Variants in ADCY2 observed in about 807,000 individuals in gnomAD.
ADCY2 encodes adenylate cyclase 2.
ADCY2 carries 31 observed loss-of-function variants against 125.2 expected under a neutral mutation model. The observed-to-expected ratio is 0.25, with a 90% CI of 0.19 to 0.33. ADCY2 has a LOEUF of 0.33. Ranked by LOEUF, ADCY2 falls within the 10% of genes least tolerant of loss-of-function variation. The pLI is 1.00. For synonymous variants in ADCY2, 512 were observed against 548.4 expected (o/e 0.93, Z 0.93); for missense variants, 904 against 1,418.2 (o/e 0.64, Z 5.82).
At chr5:7,405,348 G>C (rs956754329) in intron 1 of ADCY2, among the ~76,000 whole-genome samples, 1 of 149,096 alleles carries the variant, frequency 6.7e-6, no homozygotes, top group Non-Finnish European at 1.5e-5. Flanking sequence ...GTCAGGTCTT[G>C]GTTCTTCTGA....
intron 24 of ADCY2, among the ~76,000 whole-genome samples, chr5:7,821,356 G>GA (rs966055434): frequency 6.6e-6 from 1 of 151,868 alleles, no homozygotes; most frequent in African/African-American, 2.4e-5. Flanking sequence ...AAAGATAATA[G>GA]AAAAAAAATC....
intron 1 of ADCY2, among the ~76,000 whole-genome samples, chr5:7,398,956 A>G (rs989786493): frequency 6.6e-6 from 1 of 152,210 alleles, no homozygotes; most frequent in Non-Finnish European, 1.5e-5. Flanking sequence ...TGAAGGTAGA[A>G]TAGGGCTAAG....
chr5:7,576,985 T>C (rs1217046389), intron 3 of ADCY2, among the ~76,000 whole-genome samples: 4 of 152,256 alleles, frequency 2.6e-5, no homozygotes, highest in African/African-American at 9.6e-5. Flanking sequence ...ATAGCATTGC[T>C]TAATGTATAT....
At chr5:7,445,445 T>C (rs763453716) in intron 2 of ADCY2, among the ~76,000 whole-genome samples, 2 of 152,252 alleles carry the variant, frequency 1.3e-5, no homozygotes, top group Non-Finnish European at 2.9e-5. Flanking sequence ...TTGGAAATTA[T>C]ATGTTTAATA....
chr5:7,701,616 A>G (rs1391751421), intron 7 of ADCY2, among the ~76,000 whole-genome samples: 4 of 152,134 alleles, frequency 2.6e-5, no homozygotes, highest in African/African-American at 2.4e-5. Context: ...ATCACCCCAG[A>G]CAGAAATTCT....
At chr5:7,493,428 CT>C (rs1743237172) in intron 2 of ADCY2, among the ~76,000 whole-genome samples, 1 of 152,012 alleles carries the variant, frequency 6.6e-6, no homozygotes, top group African/African-American at 2.4e-5. Flanking sequence ...TATCGGGTGC[CT>C]TTATATAGAA....
At chr5:7,570,462 A>G (rs147573236) in intron 3 of ADCY2, among the ~76,000 whole-genome samples, 11 of 152,256 alleles carry the variant, frequency 7.2e-5, no homozygotes, top group African/African-American at 1.9e-4. Context: ...ATTCCCTCTT[A>G]ATTCAGTATG....
chr5:7,498,731 C>T (rs1743438040), intron 2 of ADCY2, among the ~76,000 whole-genome samples: 1 of 152,134 alleles, frequency 6.6e-6, no homozygotes, highest in South Asian at 2.1e-4. Flanking sequence ...AGAATGTTCA[C>T]AGCAGCACTG....
intron 18 of ADCY2, 85 bp from the exon 19 acceptor site, chr5:7,784,280 A>G: frequency 3.1e-6 from 3 of 963,742 alleles, no homozygotes; most frequent in Non-Finnish European, 5.0e-6. Flanking sequence ...AGAGAATCTG[A>G]TATTTGTTGA....
chr5:7,455,638 A>G (rs1000441546), intron 2 of ADCY2, among the ~76,000 whole-genome samples: 1 of 148,184 alleles, frequency 6.7e-6, no homozygotes, highest in African/African-American at 2.5e-5. Context: ...ATATGTATAT[A>G]TACTGTATAT....
At chr5:7,590,797 G>A (rs1471396523) in intron 3 of ADCY2, among the ~76,000 whole-genome samples, 6 of 151,922 alleles carry the variant, frequency 3.9e-5, no homozygotes, top group African/African-American at 1.5e-4. Context: ...TAGAGAAAAG[G>A]GTCCAGTATG....
rs1160913077 is a variant in ADCY2, at chr5:7,396,139, G to T, written c.-158G>T. On this transcript the variant is annotated 5_prime_UTR_variant, in exon 1 of 25. Coordinates refer to ENST00000338316, the MANE Select transcript of ADCY2 (RefSeq NM_020546.3). This position sits in a 1 kb window ranked among gnomAD's most constrained non-coding sequence, Gnocchi z 5.7. ...CCCGCGCGTCAGCGCGCCCAGCCCG[G>T]GGCGCCGAGCTCCGCCCGCGCCGGA... The T allele has an allele frequency of 6.1e-6, 1 of 164,036 alleles. No homozygotes were observed. The highest frequency in any genetic ancestry group is 1.2e-5 in the Non-Finnish European group (1 of 83,186). The allele number at this position is 164,036 out of a possible 1,614,324, so 10.2% of individuals were successfully genotyped here. A position where few individuals can be genotyped will look rare whatever the true frequency, so the allele number is the denominator to read the frequency against.
At chr5:7,785,266 T>A (rs534466980) in intron 19 of ADCY2, among the ~76,000 whole-genome samples, 1 of 152,318 alleles carries the variant, frequency 6.6e-6, no homozygotes, top group East Asian at 1.9e-4. Context: ...CTTCCAGTTC[T>A]CCCCACCCAA....
At chr5:7,406,130 G>A (rs1326033712) in intron 1 of ADCY2, among the ~76,000 whole-genome samples, 3 of 152,110 alleles carry the variant, frequency 2.0e-5, no homozygotes, top group Non-Finnish European at 4.4e-5. Context: ...AAAGTGCTGG[G>A]ATTACAGGCA....
At chr5:7,540,901 G>A (rs1164735488) in intron 3 of ADCY2, among the ~76,000 whole-genome samples, 2 of 152,170 alleles carry the variant, frequency 1.3e-5, no homozygotes, top group African/African-American at 2.4e-5. Flanking sequence ...AAAGGCACTC[G>A]AGGACTTCCG....
chr5:7,573,905 C>T (rs1736154772), intron 3 of ADCY2, among the ~76,000 whole-genome samples: 1 of 91,700 alleles, frequency 1.1e-5, no homozygotes, highest in Non-Finnish European at 2.1e-5. Flanking sequence ...TGCTATCCCT[C>T]CCCCCTCCCC....
intron 12 of ADCY2, among the ~76,000 whole-genome samples, chr5:7,717,971 A>G (rs1353834235): frequency 6.6e-6 from 1 of 152,124 alleles, no homozygotes; most frequent in East Asian, 1.9e-4. Flanking sequence ...AGGAGGTCCA[A>G]ATGAAAAGCC....
At chr5:7,791,950 G>T (rs549415686) in intron 20 of ADCY2, among the ~76,000 whole-genome samples, 93 of 152,212 alleles carry the variant, frequency 6.1e-4, no homozygotes, top group East Asian at 3.9e-4. Context: ...CGGGGGCCAG[G>T]GGGAGAGAGG....
intron 4 of ADCY2, among the ~76,000 whole-genome samples, chr5:7,659,778 G>C (rs1029108295): frequency 6.6e-6 from 1 of 152,208 alleles, no homozygotes; most frequent in Non-Finnish European, 1.5e-5. Context: ...TTTGCATTTA[G>C]AACTGTGGCC....
Sources: allele counts gnomAD v4.1 joint callset (sites outside exome capture counted in the v4.1 genomes callset), GRCh38; gene constraint gnomAD v4.1.1; non-coding constraint Gnocchi (gnomAD v3.1); transcripts MANE v1.5; gene names NCBI Gene and HGNC (gene_info 2026-07-23, HGNC 2026-07-21).